The following LEO1 variants were observed in gnomAD, a reference collection of about 807,000 sequenced individuals.
LEO1 encodes the protein RNA polymerase-associated protein LEO1.
Under a neutral mutation model 80.4 loss-of-function variants are expected in LEO1, and 34 were observed. The observed-to-expected ratio is 0.42, with a 90% CI of 0.32 to 0.56. The LOEUF is 0.56. Ranked by LOEUF, LEO1 falls within the 20% of genes least tolerant of loss-of-function variation. The pLI, the probability that LEO1 is intolerant of heterozygous loss-of-function variation, is 0.10. For synonymous variants in LEO1, 262 were observed against 274.9 expected, an observed-to-expected ratio of 0.95 and a Z score of 0.46; for missense variants, 631 against 814.2, an observed-to-expected ratio of 0.77 and a Z score of 2.74.
At chr15:51,950,083 G>C (rs2056936773) in intron 9 of LEO1, 89 bp from the exon 10 acceptor site, 2 of 1,080,720 alleles carry the variant, frequency 1.9e-6, no homozygotes, top group Non-Finnish European at 2.6e-6. Flanking sequence ...AGCATGTAAT[G>C]TCTGGTCCAG....
intron 8 of LEO1, among the ~76,000 whole-genome samples, chr15:51,952,669 C>T (rs924283420): frequency 2.0e-5 from 3 of 152,134 alleles, no homozygotes; most frequent in Non-Finnish European, 4.4e-5. Context: ...GGGGACACAC[C>T]TCTGCAGTGG....
chr15:51,967,220 C>G (rs927188785), intron 1 of LEO1, among the ~76,000 whole-genome samples: 1 of 152,198 alleles, frequency 6.6e-6, no homozygotes, highest in African/African-American at 2.4e-5. Flanking sequence ...CACCTGTAAT[C>G]CCAGCACTTT....
At chr15:51,967,907 G>A (rs12914562) in intron 1 of LEO1, among the ~76,000 whole-genome samples, 57,754 of 152,162 alleles carry the variant, frequency 0.38, 11,323 homozygotes, top group Admixed American at 0.44. Flanking sequence ...AAGTAGGCCC[G>A]GCGCAGTGGC....
At chr15:51,961,063 C>T (rs1393683347) in intron 3 of LEO1, among the ~76,000 whole-genome samples, 1 of 152,156 alleles carries the variant, frequency 6.6e-6, no homozygotes, top group African/African-American at 2.4e-5. Context: ...TCCACAGACA[C>T]CCATTTTCCA....
Position 51,966,229 on chromosome 15 carries a change from C to T in LEO1, c.334G>A (p.Ala112Thr). Residue 112 changes from alanine to threonine, a missense_variant, in exon 2 of 12, where the codon GCC becomes ACC. Around this residue, in one of 4 missense-constraint regions of LEO1, gnomAD observed 394 missense variants for 395.6 expected, o/e 1.00. Coordinates refer to ENST00000299601, the MANE Select transcript of LEO1 (RefSeq NM_138792.4). ...SDVDQHSGSE[A>T]PNDDEDEGHR... The stretch of plus-strand genomic sequence containing the variant: ...CCTTCGTCTTCATCATCATTAGGGG[C>T]TTCTGATCCACTGTGCTGATCTACA... 1 of 1,613,944 alleles carries T rather than the reference C, an allele frequency of 6.2e-7. No homozygotes were observed. The highest frequency in any genetic ancestry group is 8.5e-7 in the Non-Finnish European group (1 of 1,180,024).
intron 6 of LEO1, among the ~76,000 whole-genome samples, chr15:51,957,291 A>G (rs2056997148): frequency 6.6e-6 from 1 of 152,236 alleles, no homozygotes; most frequent in African/African-American, 2.4e-5. Flanking sequence ...GTTTATATGT[A>G]TATGACAGGA....
intron 2 of LEO1, 107 bp downstream of exon 2, chr15:51,965,642 C>G: frequency 7.0e-7 from 1 of 1,435,110 alleles, no homozygotes; most frequent in Admixed American, 2.4e-5. Flanking sequence ...AGGGAGGGGA[C>G]AGAAGAGAAA....
chr15:51,955,958 CAA>C (rs2056985681), intron 6 of LEO1, among the ~76,000 whole-genome samples: 1 of 152,168 alleles, frequency 6.6e-6, no homozygotes, highest in South Asian at 2.1e-4. Flanking sequence ...ATGTAGATGA[CAA>C]AAGATTGTTA....
chr15:51,939,232 A>G (rs1222428786), intron 11 of LEO1, among the ~76,000 whole-genome samples: 1 of 152,156 alleles, frequency 6.6e-6, no homozygotes, highest in African/African-American at 2.4e-5. Flanking sequence ...AATGGGATGA[A>G]CAAATGGTTT....
Position 51,956,781 on chromosome 15 carries a change from T to C in LEO1, c.1245+1961A>G, listed in dbSNP as rs566921933. On this transcript the variant is annotated intron_variant, in intron 6 of 11. Transcript: ENST00000299601. Reference sequence around the variant, plus strand: ...ACAGTTTATGTTAAACACCAACATTTTGTAGTCTGATGCACTGAAATTTTA... The same window carrying C: ...ACAGTTTATGTTAAACACCAACATTCTGTAGTCTGATGCACTGAAATTTTA... 7.2e-5 allele frequency among the ~76,000 whole-genome samples: 11 copies of C among 152,332 alleles called. No homozygotes were observed. In the South Asian group the frequency reaches 2.1e-3, roughly 29 times the overall value.
intron 3 of LEO1, among the ~76,000 whole-genome samples, chr15:51,961,576 T>C (rs1040653469): frequency 1.3e-5 from 2 of 151,818 alleles, no homozygotes; most frequent in Non-Finnish European, 2.9e-5. Context: ...GTATTTTTAG[T>C]ACAGACAGGG....
chr15:51,954,294 A>C (rs1234161882), intron 7 of LEO1, among the ~76,000 whole-genome samples, 187 bp downstream of exon 7: 2 of 151,482 alleles, frequency 1.3e-5, no homozygotes, highest in African/African-American at 2.4e-5. Context: ...AGATGGGAGG[A>C]TCACTTAGGA....
intron 4 of LEO1, 60 bp downstream of exon 4, chr15:51,960,577 ACT>A: frequency 1.1e-6 from 1 of 875,444 alleles, no homozygotes; most frequent in Non-Finnish European, 1.9e-6. Flanking sequence ...AATAAGGGAG[ACT>A]CTTCACCTTT....
chr15:51,963,585 T>C (rs2057049129), intron 2 of LEO1, among the ~76,000 whole-genome samples: 1 of 152,066 alleles, frequency 6.6e-6, no homozygotes, highest in Non-Finnish European at 1.5e-5. Context: ...GCCTTAAAGA[T>C]TCTTTCTGGT....
Position 51,948,207 on chromosome 15 carries a change from C to T in LEO1, c.1799-818G>A, listed in dbSNP as rs544795688. ...CGAGGACTTTAGACCAAGCCCCTCC[C>T]GTCAAAACCCAAAGCCTTCCCTTTG... On this transcript the variant is annotated intron_variant, in intron 10 of 11. Coordinates refer to ENST00000299601, the MANE Select transcript of LEO1 (RefSeq NM_138792.4). Among the ~76,000 whole-genome samples the T allele has an allele frequency of 5.3e-5, 8 of 152,248 alleles. No homozygotes were observed. The East Asian group carries it at 5.8e-4, about 11-fold the overall frequency.
At chr15:51,950,107 CGT>C (rs1174964930) in intron 9 of LEO1, 113 bp from the exon 10 acceptor site, 2 of 936,286 alleles carry the variant, frequency 2.1e-6, no homozygotes, top group African/African-American at 3.3e-5. Flanking sequence ...ACAGCTGTGC[CGT>C]GTGTGTTCCC....
chr15:51,954,529 T>C lies in LEO1; in HGVS notation c.1292A>G (p.Asn431Ser), dbSNP rs775326995. The change falls in exon 7 of 12, where the codon AAT becomes AGT. Residue 431 changes from asparagine (N) to serine (S), a missense_variant. Physicochemically the swap from Asn to Ser is conservative, Grantham distance 46. Around this residue, in one of 4 missense-constraint regions of LEO1, gnomAD observed 95 missense variants for 171.7 expected, o/e 0.55. Coordinates refer to ENST00000299601, the MANE Select transcript of LEO1 (RefSeq NM_138792.4). ...RWRIRRDEEG[N>S]EIKESNARIV... Reference sequence around the variant, plus strand: ...CCGAGCATTGCTTTCTTTAATTTCATTTCCTTCTTCATCTCGGCGTATCCT... The same window carrying C: ...CCGAGCATTGCTTTCTTTAATTTCACTTCCTTCTTCATCTCGGCGTATCCT... The C allele has an allele frequency of 5.6e-6, 9 of 1,613,778 alleles. No homozygotes were observed. In the African/African-American group the frequency reaches 1.1e-4, roughly 19 times the overall value.
intron 7 of LEO1, among the ~76,000 whole-genome samples, chr15:51,954,278 C>G (rs2056971050): frequency 6.6e-6 from 1 of 151,634 alleles, no homozygotes; most frequent in Non-Finnish European, 1.5e-5. Flanking sequence ...GTCCCAGCTA[C>G]TTGGGAGATG....
chr15:51,938,094 CTCA>C lies in LEO1; in HGVS notation c.*59_*61del. On this transcript the variant is annotated 3_prime_UTR_variant, in exon 12 of 12. Transcript: ENST00000299601. ...AATCGATTCATTTCAATCAAAATAA[CTCA>C]TGTTTACATATTTATAACTGTACAA... 7.7e-6 allele frequency: 6 copies of C among 778,292 alleles called. No individual in the cohort carries two copies. The highest frequency in any genetic ancestry group is 1.2e-5 in the Non-Finnish European group (6 of 489,232). 48.2% of individuals were successfully genotyped at this position (778,292 alleles called of 1,614,324 possible). A position where few individuals can be genotyped will look rare whatever the true frequency, so the allele number is the denominator to read the frequency against.
Sources: allele counts gnomAD v4.1 joint callset (sites outside exome capture counted in the v4.1 genomes callset), GRCh38; gene constraint gnomAD v4.1.1; regional missense constraint gnomAD v4.1.1; transcripts MANE v1.5; gene names NCBI Gene and HGNC (gene_info 2026-07-23, HGNC 2026-07-21).